The following CNNM4 variants were observed in gnomAD, a reference collection of about 807,000 sequenced individuals.
The protein encoded by CNNM4 is cyclin and CBS domain divalent metal cation transport mediator 4.
In CNNM4, 32 loss-of-function variants were observed where a neutral mutation model predicts 53.7. The ratio of observed to expected loss-of-function variants is 0.60; its 90% CI spans 0.45 to 0.80. The LOEUF (loss-of-function observed/expected upper bound fraction) is 0.80, where lower values mean the gene tolerates loss of function less well. Among genes scored for constraint, CNNM4 ranks in the 30% least tolerant of loss-of-function variants. The pLI is 0.00. For synonymous variants in CNNM4, 410 were observed against 440.0 expected, an observed-to-expected ratio of 0.93 and a Z score of 0.85; for missense variants, 784 against 1,022.0, an observed-to-expected ratio of 0.77 and a Z score of 3.17.
In CNNM4 at chr2:96,808,806, C is replaced by A; in HGVS notation, c.2130+64C>A. On this transcript the variant is annotated intron_variant, in intron 6 of 6. Coordinates refer to ENST00000377075, the MANE Select transcript of CNNM4 (RefSeq NM_020184.4). This position sits in a 1 kb window ranked among gnomAD's most constrained non-coding sequence, Gnocchi z 4.9. Reference sequence around the variant, plus strand: ...CTGCTCAGGAATCAGCTACTACTTTCATCCACCAAACCCAGCATGGTGGGC... The same window carrying A: ...CTGCTCAGGAATCAGCTACTACTTTAATCCACCAAACCCAGCATGGTGGGC... The A allele has an allele frequency of 6.5e-7, 1 of 1,541,050 alleles. No homozygotes were observed. The highest frequency in any genetic ancestry group is 9.0e-7 in the Non-Finnish European group (1 of 1,115,664).
chr2:96,764,458 G>A (rs1312783554), intron 1 of CNNM4, among the ~76,000 whole-genome samples: 6 of 152,118 alleles, frequency 3.9e-5, no homozygotes, highest in South Asian at 2.1e-4. Flanking sequence ...ACAGCAGGCC[G>A]CCCTGGAGAT....
chr2:96,799,298 C>T, intron 4 of CNNM4, 72 bp downstream of exon 4: 1 of 1,579,866 alleles, frequency 6.3e-7, no homozygotes, highest in Non-Finnish European at 8.7e-7. Flanking sequence ...CCCTCTCTCC[C>T]ACCTGCTGCG....
chr2:96,772,368 C>T (rs1322597722), intron 1 of CNNM4, among the ~76,000 whole-genome samples: 3 of 148,396 alleles, frequency 2.0e-5, no homozygotes, highest in Non-Finnish European at 4.5e-5. Flanking sequence ...CAGGTGCTCA[C>T]ACACACGTGC....
At position 96,800,426 on chromosome 2, in the gene CNNM4, C is replaced by G. The variant is rs150230047; in HGVS notation, c.1948+778C>G. On this transcript the variant is annotated intron_variant, in intron 5 of 6. Transcript: ENST00000377075. The surrounding 1 kb of genome is among the most constrained non-coding windows in gnomAD (Gnocchi z 4.6). ...CGCCAGTGGGGTACGAGCTGCAGCTCCCAGAGAACCTCTGTGCTGTGCCTC... is the reference window on the plus strand; with the variant it reads ...CGCCAGTGGGGTACGAGCTGCAGCTGCCAGAGAACCTCTGTGCTGTGCCTC... 1.4e-3 allele frequency among the ~76,000 whole-genome samples: 208 copies of G among 152,332 alleles called. No homozygotes were observed. Among genetic ancestry groups the G allele is most frequent in the Non-Finnish European group, 2.5e-3 (173 of 68,022 alleles).
rs1293183360 is a variant in CNNM4 at position 96,800,413 on chromosome 2, A to C, written c.1948+765A>C. The stretch of plus-strand genomic sequence containing the variant: ...GGAGAACAGGCCACGCCAGTGGGGT[A>C]CGAGCTGCAGCTCCCAGAGAACCTC... On this transcript the variant is annotated intron_variant, in intron 5 of 6. Transcript: ENST00000377075. This position sits in a 1 kb window ranked among gnomAD's most constrained non-coding sequence, Gnocchi z 4.6. Among the ~76,000 whole-genome samples the C allele has an allele frequency of 6.6e-6, 1 of 152,236 alleles. No homozygotes were observed. Among genetic ancestry groups the C allele is most frequent in the Non-Finnish European group, 1.5e-5 (1 of 68,028 alleles).
At chr2:96,791,134 A>C (rs1324006540) in intron 1 of CNNM4, among the ~76,000 whole-genome samples, 1 of 151,634 alleles carries the variant, frequency 6.6e-6, no homozygotes, top group Non-Finnish European at 1.5e-5. Flanking sequence ...AAAAAAAAAA[A>C]AAAATTAAAA....
intron 1 of CNNM4, among the ~76,000 whole-genome samples, chr2:96,785,194 A>C (rs1027993504): frequency 2.0e-5 from 3 of 152,068 alleles, no homozygotes; most frequent in Non-Finnish European, 4.4e-5. Flanking sequence ...GGGTATTCTA[A>C]AGGGAGCTCT....
At chr2:96,778,972 T>A (rs1426915352) in intron 1 of CNNM4, among the ~76,000 whole-genome samples, 1 of 152,116 alleles carries the variant, frequency 6.6e-6, no homozygotes, top group Non-Finnish European at 1.5e-5. Flanking sequence ...TATTTATTTT[T>A]TTGAGATGGA....
intron 1 of CNNM4, among the ~76,000 whole-genome samples, chr2:96,769,817 TC>T (rs1184617319): frequency 9.9e-5 from 15 of 152,166 alleles, no homozygotes; most frequent in African/African-American, 3.4e-4. Flanking sequence ...GCACCGGTTC[TC>T]CGTCAGCCCT....
In CNNM4 at chr2:96,772,417, C is replaced by T. The variant is rs182954892; in HGVS notation, c.1402+10016C>T. Among the ~76,000 whole-genome samples the T allele has an allele frequency of 1.4e-4, 18 of 130,372 alleles. No homozygotes were observed. In the East Asian group the frequency reaches 2.5e-3, roughly 18 times the overall value. The allele number at this position is 130,372 out of a possible 152,430, so 85.5% of individuals were successfully genotyped here. A position where few individuals can be genotyped will look rare whatever the true frequency, so the allele number is the denominator to read the frequency against. ...TGCCCCCCACGTAGGCACAGGCAGG[C>T]GCTCACACACACATGCGCACACACA... On this transcript the variant is annotated intron_variant, in intron 1 of 6. Transcript: ENST00000377075.
rs896440449 is a variant in CNNM4 at position 96,762,411 on chromosome 2, G to C, written c.1402+10G>C. 1 of 1,613,000 alleles carries C rather than the reference G, an allele frequency of 6.2e-7. No homozygotes were observed. The highest frequency in any genetic ancestry group is 8.5e-7 in the Non-Finnish European group (1 of 1,179,004). On this transcript the variant is annotated intron_variant, in intron 1 of 6. Coordinates refer to ENST00000377075, the MANE Select transcript of CNNM4 (RefSeq NM_020184.4). ...GAGGAGTTCAAGAAGGGTAAGGCCA[G>C]ATGTAGTTCCCCTGGTTCAATTTCC...
intron 1 of CNNM4, among the ~76,000 whole-genome samples, chr2:96,780,778 CCCAGGCTGGAGT>C (rs2078967517): frequency 6.6e-6 from 1 of 151,854 alleles, no homozygotes; most frequent in Non-Finnish European, 1.5e-5. Flanking sequence ...CCCTCTATTG[CCCAGGCTGGAGT>C]CCAGTGGCAC....
At position 96,765,130 on chromosome 2, in the gene CNNM4, TG is replaced by T. The variant is rs1358612820; in HGVS notation, c.1402+2730del. ...ATTGTTTTATTTGTTTGTTTGTTGT[TG>T]TTTTTTTTTTTTGAGACGGAGTTTT... On this transcript the variant is annotated intron_variant, in intron 1 of 6. Coordinates refer to ENST00000377075, the MANE Select transcript of CNNM4 (RefSeq NM_020184.4). 3.5e-4 allele frequency among the ~76,000 whole-genome samples: 51 copies of T among 146,822 alleles called. 1 individual carries two copies. The South Asian group carries it at 5.0e-3, about 14-fold the overall frequency.
chr2:96,797,410 C>A lies in CNNM4; in HGVS notation c.1547-103C>A. 2 of 1,532,934 alleles carry A rather than the reference C, an allele frequency of 1.3e-6. No homozygotes were observed. The highest frequency in any genetic ancestry group is 4.5e-5 in the East Asian group (2 of 44,508). The allele number at this position is 1,532,934 out of a possible 1,614,324, so 95.0% of individuals were successfully genotyped here. A position where few individuals can be genotyped will look rare whatever the true frequency, so the allele number is the denominator to read the frequency against. On this transcript the variant is annotated intron_variant, in intron 2 of 6. Transcript: ENST00000377075. This position sits in a 1 kb window ranked among gnomAD's most constrained non-coding sequence, Gnocchi z 6.0. The stretch of plus-strand genomic sequence containing the variant: ...TGCCAGCCAGAGCCTGCTGCTCCTG[C>A]GTGGGACTAGGGGCTGGAGAGCAGG...
At chr2:96,793,979 A>G (rs1183133908) in intron 1 of CNNM4, among the ~76,000 whole-genome samples, 1 of 152,200 alleles carries the variant, frequency 6.6e-6, no homozygotes, top group Non-Finnish European at 1.5e-5. Flanking sequence ...CAAAAAAAAT[A>G]AAAACAGAGA....
At chr2:96,798,698 T>C (rs556528011) in intron 3 of CNNM4, among the ~76,000 whole-genome samples, 1 of 152,166 alleles carries the variant, frequency 6.6e-6, no homozygotes, top group Non-Finnish European at 1.5e-5. Context: ...ACAGCACATA[T>C]ATACTAAGTG....
At position 96,761,242 on chromosome 2, in the gene CNNM4, C is replaced by A; in HGVS notation, c.243C>A (p.Tyr81Ter). 6.2e-7 allele frequency: 1 copy of A among 1,614,170 alleles called. No homozygotes were observed. The highest frequency in any genetic ancestry group is 8.5e-7 in the Non-Finnish European group (1 of 1,180,014). ...GSTVNLRLYG[Y>*]SLGNISSNLI... ...CCGTGAACCTGAGGCTGTACGGCTACAGCCTGGGCAACATCTCCAGCAACC... is the reference window on the plus strand; with the variant it reads ...CCGTGAACCTGAGGCTGTACGGCTAAAGCCTGGGCAACATCTCCAGCAACC... Residue 81 changes from tyrosine to a stop codon, truncating the protein, a stop_gained, in exon 1 of 7, where the codon TAC becomes TAA. Coordinates refer to ENST00000377075, the MANE Select transcript of CNNM4 (RefSeq NM_020184.4). LOFTEE classifies it high-confidence loss of function. The surrounding 1 kb of genome is among the most constrained non-coding windows in gnomAD (Gnocchi z 6.0).
rs1437510694 is a variant in CNNM4 at position 96,801,534 on chromosome 2, A to G, written c.1948+1886A>G. ...GAGACCACACACAGAGATAGCACAC[A>G]CACAGAGAGACCACACACACACAGA... On this transcript the variant is annotated intron_variant, in intron 5 of 6. Coordinates refer to ENST00000377075, the MANE Select transcript of CNNM4 (RefSeq NM_020184.4). The surrounding 1 kb of genome is among the most constrained non-coding windows in gnomAD (Gnocchi z 5.6). Among the ~76,000 whole-genome samples the G allele has an allele frequency of 6.6e-6, 1 of 151,096 alleles. No individual in the cohort carries two copies. Among genetic ancestry groups the G allele is most frequent in the African/African-American group, 2.4e-5 (1 of 41,006 alleles).
At chr2:96,806,162 C>G (rs2079204114) in intron 5 of CNNM4, among the ~76,000 whole-genome samples, 1 of 151,660 alleles carries the variant, frequency 6.6e-6, no homozygotes, top group Non-Finnish European at 1.5e-5. Context: ...GACGGGGCGG[C>G]TGGCCGGGCG....
Sources: gnomAD v4.1 joint callset for allele counts (sites outside exome capture counted in the v4.1 genomes callset) on GRCh38, gnomAD v4.1.1 for gene constraint, Gnocchi (gnomAD v3.1) non-coding constraint, MANE v1.5 for transcripts, NCBI Gene and HGNC (gene_info 2026-07-23, HGNC 2026-07-21) for gene names.